Variants in PIK3C2G observed in about 807,000 individuals in gnomAD.
The protein encoded by PIK3C2G is phosphatidylinositol-4-phosphate 3-kinase catalytic subunit type 2 gamma.
PIK3C2G carries 168 observed loss-of-function variants against 181.1 expected under a neutral mutation model. The ratio of observed to expected loss-of-function variants is 0.93; its 90% confidence interval spans 0.82 to 1.05. PIK3C2G has a LOEUF of 1.05. Among genes scored for constraint, PIK3C2G ranks in the 50% least tolerant of loss-of-function variants. PIK3C2G has a pLI of 0.00. For synonymous variants in PIK3C2G, 573 were observed against 592.2 expected (o/e 0.97, Z 0.47); for missense variants, 1,869 against 1,732.8 (o/e 1.08, Z -1.40).
In PIK3C2G at chr12:18,292,974, G is replaced by A. The variant is rs1415330896; in HGVS notation, c.920-927G>A. Among the ~76,000 whole-genome samples the A allele has an allele frequency of 2.0e-5, 3 of 152,066 alleles. No homozygotes were observed. The East Asian group carries it at 5.8e-4, about 29-fold the overall frequency. ...TGTGTAATCTCTACAAAATTGCATAGCTTCCCTGAAAATGAGTCCATTCAT... is the reference window on the plus strand; with the variant it reads ...TGTGTAATCTCTACAAAATTGCATAACTTCCCTGAAAATGAGTCCATTCAT... On this transcript the variant is annotated intron_variant, in intron 4 of 32. Transcript: ENST00000538779.
At chr12:18,552,186 C>G (rs1164796525) in intron 26 of PIK3C2G, among the ~76,000 whole-genome samples, 1 of 152,078 alleles carries the variant, frequency 6.6e-6, no homozygotes, top group Non-Finnish European at 1.5e-5. Context: ...GAGCCAGAAT[C>G]CCTGCACCAC....
At chr12:18,724,685 C>T in the PIK3C2G span, among the ~76,000 whole-genome samples, 1 of 152,028 alleles carries the variant, frequency 6.6e-6, no homozygotes, top group Non-Finnish European at 1.5e-5. Flanking sequence ...CTTCAACTTA[C>T]TGTTTTTAAA....
chr12:18,367,819 G>A (rs1941749861), intron 12 of PIK3C2G, among the ~76,000 whole-genome samples: 1 of 152,020 alleles, frequency 6.6e-6, no homozygotes, highest in Admixed American at 6.6e-5. Context: ...TGGTGGGAGT[G>A]CTGGGATTAC....
At chr12:18,679,006 T>A in the PIK3C2G span, among the ~76,000 whole-genome samples, 26 of 152,040 alleles carry the variant, frequency 1.7e-4, no homozygotes, top group Admixed American at 4.6e-4. Flanking sequence ...TTTGGTGTGG[T>A]CATTTGTGTT....
chr12:18,274,517 G>A (rs982037719), intron 1 of PIK3C2G, among the ~76,000 whole-genome samples: 2 of 152,138 alleles, frequency 1.3e-5, no homozygotes, highest in African/African-American at 4.8e-5. Context: ...CATGGATGAA[G>A]CTGGAAACCA....
At chr12:18,509,586 C>A (rs1942078213) in intron 24 of PIK3C2G, among the ~76,000 whole-genome samples, 1 of 152,186 alleles carries the variant, frequency 6.6e-6, no homozygotes, top group Non-Finnish European at 1.5e-5. Flanking sequence ...AGCAAAGCCA[C>A]TCTCTCATTT....
intron 5 of PIK3C2G, among the ~76,000 whole-genome samples, chr12:18,304,693 C>T (rs539154107): frequency 7.9e-5 from 12 of 152,274 alleles, no homozygotes; most frequent in African/African-American, 2.9e-4. Context: ...TAATAGATTA[C>T]ATTCATTAGC....
chr12:18,457,250 A>G (rs532110604), intron 18 of PIK3C2G, among the ~76,000 whole-genome samples: 1 of 152,202 alleles, frequency 6.6e-6, no homozygotes, highest in African/African-American at 2.4e-5. Flanking sequence ...CGCAGAGAAT[A>G]GTTAAGTGCT....
chr12:18,381,723 T>A, intron 13 of PIK3C2G, 43 bp from the exon 14 acceptor site: 1 of 1,119,462 alleles, frequency 8.9e-7, no homozygotes, highest in Non-Finnish European at 1.4e-6. Context: ...ACTTCCCTCA[T>A]GAAGTGACTC....
At chr12:18,384,050 GAC>G in intron 14 of PIK3C2G, among the ~76,000 whole-genome samples, 1 of 148,280 alleles carries the variant, frequency 6.7e-6, no homozygotes, top group South Asian at 2.1e-4. Context: ...TTGAACTCCT[GAC>G]CTCAAGCAAT....
chr12:18,376,268 G>T (rs939006106), intron 13 of PIK3C2G, among the ~76,000 whole-genome samples: 1 of 152,198 alleles, frequency 6.6e-6, no homozygotes, highest in Non-Finnish European at 1.5e-5. Flanking sequence ...CGTGTGCTTG[G>T]AATGTGGGAT....
In PIK3C2G at chr12:18,519,912, G is replaced by A. The variant is rs79953465; in HGVS notation, c.3323+14451G>A. On this transcript the variant is annotated intron_variant, in intron 24 of 32. Transcript: ENST00000538779. ...CAGGAGCTCCTCCAAGCCTGGTGGT[G>A]ATGAAATCCCTCACCTTCTCTCCAC... Among the ~76,000 whole-genome samples the A allele has an allele frequency of 3.7e-3, 550 of 147,356 alleles. 2 individuals are homozygous for A. The highest frequency in any genetic ancestry group is 8.0e-3 in the Admixed American group (115 of 14,460).
At chr12:18,244,447 A>T (rs1166862979), upstream of PIK3C2G, among the ~76,000 whole-genome samples, 2 of 152,046 alleles carry the variant, frequency 1.3e-5, no homozygotes, top group African/African-American at 4.8e-5. Flanking sequence ...CAGAAAATTT[A>T]GTAAACAAGA....
chr12:18,575,415 T>A (rs944742899), intron 29 of PIK3C2G, among the ~76,000 whole-genome samples: 2 of 152,174 alleles, frequency 1.3e-5, no homozygotes, highest in African/African-American at 4.8e-5. Context: ...ACAATAAATA[T>A]CTTCCCATTT....
chr12:18,584,999 A>C (rs1946696928), intron 29 of PIK3C2G, among the ~76,000 whole-genome samples: 1 of 152,214 alleles, frequency 6.6e-6, no homozygotes, highest in South Asian at 2.1e-4. Flanking sequence ...ATGCTGATGG[A>C]GTCCGCTACC....
At chr12:18,349,923 A>G (rs967091444) in intron 11 of PIK3C2G, among the ~76,000 whole-genome samples, 1 of 152,180 alleles carries the variant, frequency 6.6e-6, no homozygotes, top group Non-Finnish European at 1.5e-5. Flanking sequence ...AAATCCCTTG[A>G]ATAGAGAAAT....
At chr12:18,356,570 G>GAC (rs1424593105) in intron 11 of PIK3C2G, among the ~76,000 whole-genome samples, 1 of 152,102 alleles carries the variant, frequency 6.6e-6, no homozygotes, top group African/African-American at 2.4e-5. Context: ...TGTATCCTGA[G>GAC]CTCTTGTTTG....
At chr12:18,600,556 C>A (rs1947653393) in intron 30 of PIK3C2G, among the ~76,000 whole-genome samples, 1 of 151,942 alleles carries the variant, frequency 6.6e-6, no homozygotes, top group African/African-American at 2.4e-5. Flanking sequence ...ATAAATGAGT[C>A]ACTATCTAAC....
At chr12:18,697,168 A>C in the PIK3C2G span, among the ~76,000 whole-genome samples, 2 of 152,136 alleles carry the variant, frequency 1.3e-5, no homozygotes, top group African/African-American at 4.8e-5. Flanking sequence ...GTGACTCATC[A>C]TGGGAGAATG....
Sources: gnomAD v4.1 joint callset for allele counts (sites outside exome capture counted in the v4.1 genomes callset) on GRCh38, gnomAD v4.1.1 for gene constraint, MANE v1.5 for transcripts, NCBI Gene and HGNC (gene_info 2026-07-23, HGNC 2026-07-21) for gene names.